The following TENM3 variants were observed in gnomAD, a reference collection of about 807,000 sequenced individuals.
The protein encoded by TENM3 is teneurin-3.
A neutral mutation model predicts 255.1 loss-of-function variants in TENM3; 63 were observed. That is an observed-to-expected ratio of 0.25 (90% CI 0.20 to 0.30). The LOEUF is 0.30. Ranked by LOEUF, TENM3 falls within the 10% of genes least tolerant of loss-of-function variation. The pLI, the probability that TENM3 is intolerant of heterozygous loss-of-function variation, is 1.00. For synonymous variants in TENM3, 1,306 were observed against 1,322.3 expected (o/e 0.99, Z 0.27); for missense variants, 2,929 against 3,461.1 (o/e 0.85, Z 3.86).
chr4:182,726,198 T>G (rs1760165170), intron 13 of TENM3, among the ~76,000 whole-genome samples: 1 of 152,158 alleles, frequency 6.6e-6, no homozygotes, highest in Non-Finnish European at 1.5e-5. Context: ...ATTCACTTAT[T>G]AAGCCTTTCC....
chr4:181,504,211 A>T, the TENM3 span, among the ~76,000 whole-genome samples: 1 of 152,158 alleles, frequency 6.6e-6, no homozygotes, highest in Non-Finnish European at 1.5e-5. Context: ...CTGGCTTGGA[A>T]ACAGCCAACT....
At chr4:181,593,920 C>A in the TENM3 span, among the ~76,000 whole-genome samples, 1 of 151,578 alleles carries the variant, frequency 6.6e-6, no homozygotes. Context: ...TAATTATGAT[C>A]TAGGCATGTT....
At chr4:181,532,713 G>A in the TENM3 span, among the ~76,000 whole-genome samples, 2 of 152,062 alleles carry the variant, frequency 1.3e-5, no homozygotes, top group Non-Finnish European at 2.9e-5. Flanking sequence ...CCACCAAAGA[G>A]GAGAGGACAT....
intron 16 of TENM3, among the ~76,000 whole-genome samples, chr4:182,736,500 G>A (rs1579292265): frequency 6.6e-6 from 1 of 152,350 alleles, no homozygotes; most frequent in East Asian, 1.9e-4. Context: ...AGTAGCACCC[G>A]AGGTATGATT....
At chr4:181,731,554 T>C in the TENM3 span, among the ~76,000 whole-genome samples, 1 of 152,164 alleles carries the variant, frequency 6.6e-6, no homozygotes, top group Non-Finnish European at 1.5e-5. Flanking sequence ...GGTTTCACCA[T>C]GTTGCCCAGG....
chr4:182,615,877 G>C (rs1160929164), intron 4 of TENM3, among the ~76,000 whole-genome samples: 1 of 152,206 alleles, frequency 6.6e-6, no homozygotes. Flanking sequence ...TTCTAAGCAG[G>C]AGTCTTGAAT....
At chr4:182,310,530 T>TC (rs887617120) in intron 1 of TENM3, among the ~76,000 whole-genome samples, 3 of 152,202 alleles carry the variant, frequency 2.0e-5, no homozygotes, top group Non-Finnish European at 4.4e-5. Flanking sequence ...CCCAGTAGTT[T>TC]CACCAGATGT....
At chr4:182,556,455 G>A (rs7686685) in intron 3 of TENM3, among the ~76,000 whole-genome samples, 14,045 of 152,104 alleles carry the variant, frequency 0.092, 898 homozygotes, top group Non-Finnish European at 0.14. Flanking sequence ...TCCCAAAATT[G>A]AATACAACAA....
chr4:181,484,536 AT>A, the TENM3 span, among the ~76,000 whole-genome samples: 3 of 152,270 alleles, frequency 2.0e-5, no homozygotes, highest in African/African-American at 4.8e-5. Context: ...CTTAATTCAA[AT>A]TCAATCTAAA....
chr4:181,719,254 A>AAC, the TENM3 span, among the ~76,000 whole-genome samples: 6 of 150,350 alleles, frequency 4.0e-5, no homozygotes, highest in Non-Finnish European at 7.4e-5. Flanking sequence ...TAAAAATGAA[A>AAC]ATATATATAT....
intron 3 of TENM3, among the ~76,000 whole-genome samples, chr4:182,572,975 G>C (rs1040214959): frequency 1.1e-4 from 17 of 152,166 alleles, no homozygotes; most frequent in Non-Finnish European, 2.5e-4. Context: ...GCTTGGCTTT[G>C]CTGCTTTAGC....
chr4:182,760,825 C>T (rs1763127462), intron 22 of TENM3, among the ~76,000 whole-genome samples: 1 of 152,154 alleles, frequency 6.6e-6, no homozygotes, highest in Non-Finnish European at 1.5e-5. Context: ...GACATCAGTT[C>T]TCATGCTGTA....
At chr4:181,502,156 C>T in the TENM3 span, among the ~76,000 whole-genome samples, 7 of 152,096 alleles carry the variant, frequency 4.6e-5, no homozygotes, top group South Asian at 4.1e-4. Context: ...TTTTAGGCAA[C>T]GAAACTCTTC....
chr4:181,978,440 A>G, the TENM3 span, among the ~76,000 whole-genome samples: 1 of 152,146 alleles, frequency 6.6e-6, no homozygotes, highest in Non-Finnish European at 1.5e-5. Context: ...TGAGGTCAGG[A>G]GTTCGAGACC....
intron 1 of TENM3, among the ~76,000 whole-genome samples, chr4:182,158,674 G>A (rs1750886369): frequency 6.6e-6 from 1 of 152,120 alleles, no homozygotes; most frequent in African/African-American, 2.4e-5. Context: ...CCTATCCTTT[G>A]TCCTTGCCCA....
chr4:181,485,693 G>A, the TENM3 span, among the ~76,000 whole-genome samples: 2 of 152,144 alleles, frequency 1.3e-5, no homozygotes, highest in African/African-American at 4.8e-5. Context: ...AAAGAACACA[G>A]TTAATTCATT....
intron 1 of TENM3, among the ~76,000 whole-genome samples, chr4:182,271,979 C>T (rs1206515271): frequency 2.0e-5 from 3 of 152,134 alleles, no homozygotes; most frequent in Non-Finnish European, 4.4e-5. Flanking sequence ...TCCTCGTGAC[C>T]GTTCGGCCAG....
the TENM3 span, among the ~76,000 whole-genome samples, chr4:182,138,164 A>C: frequency 6.6e-6 from 1 of 152,202 alleles, no homozygotes; most frequent in Non-Finnish European, 1.5e-5. Context: ...ACTGAAAGTG[A>C]TAACAGTAGA....
chr4:181,683,906 A>C, the TENM3 span, among the ~76,000 whole-genome samples: 1 of 152,138 alleles, frequency 6.6e-6, no homozygotes, highest in South Asian at 2.1e-4. Context: ...TCTTTTCTTT[A>C]AGCTGAGGTT....
Sources: allele counts gnomAD v4.1 joint callset (sites outside exome capture counted in the v4.1 genomes callset), GRCh38; gene constraint gnomAD v4.1.1; transcripts MANE v1.5; gene names NCBI Gene and HGNC (gene_info 2026-07-23, HGNC 2026-07-21).